The following MYRIP variants were observed in gnomAD, a reference collection of about 807,000 sequenced individuals.
The protein encoded by MYRIP is rab effector MyRIP.
A neutral mutation model predicts 98.0 loss-of-function variants in MYRIP; 49 were observed. The observed-to-expected ratio is 0.50, with a 90% CI of 0.40 to 0.63. MYRIP has a LOEUF of 0.63. MYRIP is among the 30% of genes least tolerant of loss of function. The pLI is 0.00. For missense variants in MYRIP, 1,004 were observed against 1,058.2 expected, an observed-to-expected ratio of 0.95 and a Z score of 0.71; for synonymous variants, 404 against 409.5, an observed-to-expected ratio of 0.99 and a Z score of 0.16.
intron 2 of MYRIP, among the ~76,000 whole-genome samples, chr3:40,031,473 G>A (rs1399949135): frequency 1.3e-5 from 2 of 152,094 alleles, no homozygotes; most frequent in African/African-American, 4.8e-5. Context: ...TTCTGAATGG[G>A]GCAGGAGATG....
intron 2 of MYRIP, among the ~76,000 whole-genome samples, chr3:40,018,244 T>C (rs1386588364): frequency 6.6e-6 from 1 of 152,214 alleles, no homozygotes; most frequent in Non-Finnish European, 1.5e-5. Flanking sequence ...TCACTGCTTA[T>C]CTTCAATATC....
At chr3:40,057,011 A>G (rs973637742) in intron 3 of MYRIP, among the ~76,000 whole-genome samples, 2 of 152,180 alleles carry the variant, frequency 1.3e-5, no homozygotes, top group African/African-American at 4.8e-5. Context: ...AGTTACTTTT[A>G]TTAATTACTG....
chr3:40,032,840 A>G (rs1214209432), intron 2 of MYRIP, among the ~76,000 whole-genome samples: 1 of 152,202 alleles, frequency 6.6e-6, no homozygotes, highest in Non-Finnish European at 1.5e-5. Context: ...GGCAAACTGA[A>G]TCCAGCAGCA....
intron 3 of MYRIP, among the ~76,000 whole-genome samples, chr3:40,143,696 G>A (rs1385310700): frequency 6.6e-6 from 1 of 152,032 alleles, no homozygotes; most frequent in African/African-American, 2.4e-5. Context: ...TATTTATGGG[G>A]TACAATGTGA....
intron 1 of MYRIP, among the ~76,000 whole-genome samples, chr3:39,892,375 T>A (rs1228774206): frequency 6.6e-6 from 1 of 152,168 alleles, no homozygotes; most frequent in Non-Finnish European, 1.5e-5. Flanking sequence ...AGTAAGGTCA[T>A]CTTGGATATT....
chr3:40,090,106 T>C (rs1336612343), intron 3 of MYRIP, among the ~76,000 whole-genome samples: 3 of 152,028 alleles, frequency 2.0e-5, no homozygotes, highest in African/African-American at 7.3e-5. Flanking sequence ...TCATCAAGAA[T>C]AATCAACATG....
chr3:40,225,841 T>C (rs1456966265), intron 11 of MYRIP, among the ~76,000 whole-genome samples: 1 of 152,220 alleles, frequency 6.6e-6, no homozygotes, highest in Non-Finnish European at 1.5e-5. Flanking sequence ...ATTTATTTTA[T>C]GCAACTTGAA....
intron 2 of MYRIP, among the ~76,000 whole-genome samples, chr3:39,957,036 A>C (rs1344186347): frequency 6.6e-6 from 1 of 151,816 alleles, no homozygotes; most frequent in Non-Finnish European, 1.5e-5. Context: ...GGCAATAATT[A>C]ATAGCCTACC....
intron 2 of MYRIP, among the ~76,000 whole-genome samples, chr3:39,991,122 T>C (rs12634958): frequency 0.1 from 15,391 of 152,214 alleles, 1,357 homozygotes; most frequent in African/African-American, 0.23. Flanking sequence ...ACATTCTGTA[T>C]GTGTAACCCA....
At chr3:40,034,380 A>T (rs1377791060) in intron 2 of MYRIP, among the ~76,000 whole-genome samples, 1 of 152,196 alleles carries the variant, frequency 6.6e-6, no homozygotes, top group Non-Finnish European at 1.5e-5. Context: ...TTACAAGAAA[A>T]AAACAAACAA....
chr3:40,031,877 C>A (rs1472767517), intron 2 of MYRIP, among the ~76,000 whole-genome samples: 1 of 152,094 alleles, frequency 6.6e-6, no homozygotes, highest in African/African-American at 2.4e-5. Flanking sequence ...ATTCTTCTCT[C>A]TTTTCTTCTT....
chr3:40,166,517 C>A (rs555266512), intron 5 of MYRIP, among the ~76,000 whole-genome samples: 1 of 148,846 alleles, frequency 6.7e-6, no homozygotes, highest in Non-Finnish European at 1.5e-5. Flanking sequence ...CTGAAGGGAT[C>A]CGAGAAGATT....
In MYRIP at chr3:39,960,238, T is replaced by G. The variant is rs559585083; in HGVS notation, c.110+59312T>G. On this transcript the variant is annotated intron_variant, in intron 2 of 16. Transcript: ENST00000302541. ...ACTAGTCCCATCTCTTGCACCTAGT[T>G]TAGTCTGTTTATAGTGTCAGTCCCT... Among the ~76,000 whole-genome samples the G allele has an allele frequency of 3.4e-3, 512 of 152,116 alleles. 6 individuals are homozygous for G. The highest frequency in any genetic ancestry group is 0.012 in the African/African-American group (491 of 41,500).
chr3:39,877,638 C>T (rs190670375), intron 1 of MYRIP, among the ~76,000 whole-genome samples: 38 of 152,312 alleles, frequency 2.5e-4, no homozygotes, highest in Admixed American at 1.4e-3. Context: ...GTAACAGCAG[C>T]GGTGGCTGCA....
rs529707616 is a variant in MYRIP, at chr3:39,876,503, T to C, written c.-30-24284T>C. The stretch of plus-strand genomic sequence containing the variant: ...ACCGGTTGTTCCTTTCCATGTTTAG[T>C]GCTTCCTTCAGGAGCTCTTTTAGGG... On this transcript the variant is annotated intron_variant, in intron 1 of 16. Coordinates refer to ENST00000302541, the MANE Select transcript of MYRIP (RefSeq NM_015460.4). 7.5e-3 allele frequency among the ~76,000 whole-genome samples: 1,145 copies of C among 151,874 alleles called. 17 individuals carry two copies. The highest frequency in any genetic ancestry group is 0.026 in the African/African-American group (1,080 of 41,148).
At chr3:39,824,273 A>G (rs1472710703) in intron 1 of MYRIP, among the ~76,000 whole-genome samples, 1 of 152,058 alleles carries the variant, frequency 6.6e-6, no homozygotes, top group East Asian at 1.9e-4. Flanking sequence ...TATATTTTTA[A>G]GTCTGGTAGT....
At chr3:39,888,836 C>A (rs1260711920) in intron 1 of MYRIP, among the ~76,000 whole-genome samples, 5 of 151,582 alleles carry the variant, frequency 3.3e-5, no homozygotes, top group South Asian at 4.2e-4. Flanking sequence ...TTACAAGAAA[C>A]AAACAAACAA....
At chr3:40,077,161 C>T (rs1948362101) in intron 3 of MYRIP, among the ~76,000 whole-genome samples, 1 of 152,108 alleles carries the variant, frequency 6.6e-6, no homozygotes, top group Admixed American at 6.5e-5. Context: ...AGTGAAGCTG[C>T]AGACCTTCGC....
chr3:39,875,746 G>T (rs1211542606), intron 1 of MYRIP, among the ~76,000 whole-genome samples: 4 of 151,192 alleles, frequency 2.6e-5, no homozygotes, highest in Middle Eastern at 3.2e-3. Context: ...TTGCTGAGGA[G>T]AGCTTTACTT....
Sources: gnomAD v4.1 joint callset for allele counts (sites outside exome capture counted in the v4.1 genomes callset) on GRCh38, gnomAD v4.1.1 for gene constraint, MANE v1.5 for transcripts, NCBI Gene and HGNC (gene_info 2026-07-23, HGNC 2026-07-21) for gene names.